NTNG1: variants seen among roughly 807,000 people sequenced by gnomAD.
NTNG1 encodes the protein netrin G1, also known as netrin-G1.
Under a neutral mutation model 54.0 loss-of-function variants are expected in NTNG1, and 16 were observed. That is an observed-to-expected ratio of 0.30 (90% CI 0.20 to 0.45). NTNG1 has a LOEUF of 0.45. Ranked by LOEUF, NTNG1 falls within the 20% of genes least tolerant of loss-of-function variation. NTNG1 has a pLI of 1.00. For synonymous variants in NTNG1, 255 were observed against 263.1 expected, an observed-to-expected ratio of 0.97 and a Z score of 0.30; for missense variants, 530 against 678.7, an observed-to-expected ratio of 0.78 and a Z score of 2.43.
chr1:107,216,956 C>T (rs557968790), intron 2 of NTNG1, among the ~76,000 whole-genome samples: 21 of 152,192 alleles, frequency 1.4e-4, no homozygotes, highest in Middle Eastern at 6.8e-3. Context: ...GGATTACAGG[C>T]GTGAGCCACC....
intron 7 of NTNG1, among the ~76,000 whole-genome samples, chr1:107,466,593 G>C (rs896007301): frequency 1.3e-5 from 2 of 152,214 alleles, no homozygotes; most frequent in African/African-American, 4.8e-5. Context: ...CATGTGATTA[G>C]TCTTTAACAA....
rs556226337 is a variant in NTNG1 at position 107,243,065 on chromosome 1, A to T, written c.247-81217A>T. 9.2e-5 allele frequency among the ~76,000 whole-genome samples: 14 copies of T among 152,338 alleles called. No homozygotes were observed. In the South Asian group the frequency reaches 2.7e-3, roughly 29 times the overall value. ...ATCAGAGCATCAAGGGGTTTGTTGA[A>T]AATCCTCGTAACTTGTGAACTTGAC... On this transcript the variant is annotated intron_variant, in intron 2 of 7. Transcript: ENST00000370068.
At chr1:107,431,920 C>A (rs1675292244) in intron 6 of NTNG1, among the ~76,000 whole-genome samples, 1 of 152,066 alleles carries the variant, frequency 6.6e-6, no homozygotes, top group African/African-American at 2.4e-5. Context: ...AAAAGAAATC[C>A]AATTCGTATT....
rs188267259 is a variant in NTNG1 at position 107,303,934 on chromosome 1, C to T, written c.247-20348C>T. ...TCTCCTGACCTCATAATCCGCCCGC[C>T]TTGGCCTCCAGAAGTGCTGGGATTA... On this transcript the variant is annotated intron_variant, in intron 2 of 7. Coordinates refer to ENST00000370068, the MANE Select transcript of NTNG1 (RefSeq NM_001113226.3). 8.5e-3 allele frequency among the ~76,000 whole-genome samples: 1,286 copies of T among 152,174 alleles called. 13 individuals carry two copies. Among genetic ancestry groups the T allele is most frequent in the Middle Eastern group, 0.034 (10 of 294 alleles).
At position 107,240,038 on chromosome 1, in the gene NTNG1, A is replaced by C. The variant is rs558360298; in HGVS notation, c.247-84244A>C. On this transcript the variant is annotated intron_variant, in intron 2 of 7. Coordinates refer to ENST00000370068, the MANE Select transcript of NTNG1 (RefSeq NM_001113226.3). ...ACCATGTTGGACATCACAGACATAG[A>C]ACATTTCTATCAATGCAGAAGGTTC... Among the ~76,000 whole-genome samples, 170 of 152,334 alleles carry C rather than the reference A, an allele frequency of 1.1e-3. No homozygotes were observed. The Middle Eastern group carries it at 0.014, about 12-fold the overall frequency.
chr1:107,196,027 A>G (rs1658294282), intron 2 of NTNG1, among the ~76,000 whole-genome samples: 1 of 151,762 alleles, frequency 6.6e-6, no homozygotes. Flanking sequence ...TTTTTGTACT[A>G]TTTGCTTTTG....
Position 107,228,149 on chromosome 1 carries a change from C to G in NTNG1, c.246+79310C>G, listed in dbSNP as rs547820429. 1.2e-4 allele frequency among the ~76,000 whole-genome samples: 18 copies of G among 152,272 alleles called. No individual in the cohort carries two copies. In the South Asian group the frequency reaches 3.7e-3, roughly 32 times the overall value. On this transcript the variant is annotated intron_variant, in intron 2 of 7. Transcript: ENST00000370068. Reference sequence around the variant, plus strand: ...TTTTTCCTCGTTGAGATTTGAATCACAAGGATTCTTTTCTAAAGGCAAAGT... The same window carrying G: ...TTTTTCCTCGTTGAGATTTGAATCAGAAGGATTCTTTTCTAAAGGCAAAGT...
chr1:107,342,408 T>C (rs1668954676), intron 3 of NTNG1, among the ~76,000 whole-genome samples: 1 of 152,090 alleles, frequency 6.6e-6, no homozygotes, highest in South Asian at 2.1e-4. Flanking sequence ...ATAAAAAATG[T>C]AAAATATAAA....
At chr1:107,302,226 TAC>T (rs1458756784) in intron 2 of NTNG1, among the ~76,000 whole-genome samples, 2 of 152,168 alleles carry the variant, frequency 1.3e-5, no homozygotes, top group Non-Finnish European at 2.9e-5. Flanking sequence ...ATAGCTTCAC[TAC>T]AGTTTCTAGG....
chr1:107,249,592 T>C (rs1662453076), intron 2 of NTNG1, among the ~76,000 whole-genome samples: 1 of 152,176 alleles, frequency 6.6e-6, no homozygotes, highest in South Asian at 2.1e-4. Flanking sequence ...AATGTGTTAT[T>C]GTGATGAGAC....
intron 7 of NTNG1, among the ~76,000 whole-genome samples, chr1:107,470,771 C>T (rs919711337): frequency 3.3e-5 from 5 of 152,160 alleles, no homozygotes; most frequent in Admixed American, 1.3e-4. Flanking sequence ...TTTATGAGAA[C>T]CTTGTCTGTG....
chr1:107,433,403 G>C (rs1164459218), intron 6 of NTNG1, among the ~76,000 whole-genome samples: 1 of 152,112 alleles, frequency 6.6e-6, no homozygotes, highest in Non-Finnish European at 1.5e-5. Flanking sequence ...AAAATTAGCT[G>C]AGCGTGGTGG....
intron 2 of NTNG1, among the ~76,000 whole-genome samples, chr1:107,242,091 A>G: frequency 6.6e-6 from 1 of 152,174 alleles, no homozygotes; most frequent in East Asian, 1.9e-4. Context: ...CCTGGACGTC[A>G]TAGCAAAACC....
chr1:107,280,034 G>GGTGTGTGT (rs58563513), intron 2 of NTNG1, among the ~76,000 whole-genome samples: 3,325 of 146,502 alleles, frequency 0.023, 131 homozygotes, highest in African/African-American at 0.077. Context: ...TTCCTTTGTT[G>GGTGTGTGT]GTGTGTGTGT....
chr1:107,337,713 GTCTT>G (rs1420809293), intron 3 of NTNG1, among the ~76,000 whole-genome samples: 1 of 151,990 alleles, frequency 6.6e-6, no homozygotes, highest in Non-Finnish European at 1.5e-5. Flanking sequence ...ATATCCATGT[GTCTT>G]TCTTCTCTGT....
At chr1:107,275,639 C>A (rs963319169) in intron 2 of NTNG1, among the ~76,000 whole-genome samples, 1 of 152,256 alleles carries the variant, frequency 6.6e-6, no homozygotes, top group South Asian at 2.1e-4. Flanking sequence ...GGGAAAAAAA[C>A]CCATGTCCCA....
At chr1:107,430,990 C>A in intron 6 of NTNG1, 73 bp downstream of exon 6, 2 of 1,446,806 alleles carry the variant, frequency 1.4e-6, no homozygotes, top group Non-Finnish European at 1.9e-6. Flanking sequence ...GGTGGAGAGG[C>A]TGGCGATTTG....
chr1:107,376,148 C>T (rs529233595), intron 3 of NTNG1, among the ~76,000 whole-genome samples: 35 of 152,270 alleles, frequency 2.3e-4, no homozygotes, highest in East Asian at 7.7e-4. Flanking sequence ...AGGCTGGGCG[C>T]GGTGGCTCAC....
chr1:107,440,166 A>T (rs12095462), intron 7 of NTNG1, among the ~76,000 whole-genome samples: 3 of 151,762 alleles, frequency 2.0e-5, no homozygotes, highest in African/African-American at 7.3e-5. Flanking sequence ...AGGCAGTAGG[A>T]GATATCAGGA....
Sources: gnomAD v4.1 joint callset for allele counts (sites outside exome capture counted in the v4.1 genomes callset) on GRCh38, gnomAD v4.1.1 for gene constraint, MANE v1.5 for transcripts, NCBI Gene and HGNC (gene_info 2026-07-23, HGNC 2026-07-21) for gene names.